The following BPNT2 variants were observed in gnomAD, a reference collection of about 807,000 sequenced individuals.
BPNT2 encodes Golgi-resident adenosine 3',5'-bisphosphate 3'-phosphatase.
In BPNT2, 11 loss-of-function variants were observed where a neutral mutation model predicts 29.3. The observed-to-expected ratio is 0.38, with a 90% CI of 0.24 to 0.62. BPNT2 has a LOEUF of 0.62. Ranked by LOEUF, BPNT2 falls within the 20% of genes least tolerant of loss-of-function variation. The probability of loss-of-function intolerance (pLI) is 0.62; values close to 1 mark genes in which losing one functional copy is unlikely to be tolerated. For synonymous variants in BPNT2, 195 were observed against 187.7 expected, an observed-to-expected ratio of 1.04 and a Z score of -0.32; for missense variants, 459 against 473.4, an observed-to-expected ratio of 0.97 and a Z score of 0.28.
rs916936656 is a variant in BPNT2, at chr8:56,959,732, T to C, written c.*4061A>G. ...AGTTCTTATAAAAAACATACTTTAGTTGTAAATGCTAGGTTATGCAAAAAT... is the reference window on the plus strand; with the variant it reads ...AGTTCTTATAAAAAACATACTTTAGCTGTAAATGCTAGGTTATGCAAAAAT... On this transcript the variant is annotated 3_prime_UTR_variant, in exon 5 of 5. Coordinates refer to ENST00000262644, the MANE Select transcript of BPNT2 (RefSeq NM_017813.5). 4 of 152,312 alleles carry C rather than the reference T, an allele frequency of 2.6e-5. No individual in the cohort carries two copies. The highest frequency in any genetic ancestry group is 2.6e-4 in the Admixed American group (4 of 15,310). 9.4% of individuals were successfully genotyped at this position (152,312 alleles called of 1,614,324 possible).
At chr8:56,991,582 T>C (rs956816007) in intron 1 of BPNT2, among the ~76,000 whole-genome samples, 4 of 152,234 alleles carry the variant, frequency 2.6e-5, no homozygotes, top group Non-Finnish European at 5.9e-5. Flanking sequence ...CTAGCTAAAA[T>C]GTGGGATAGT....
chr8:56,980,439 G>A (rs917421717), intron 1 of BPNT2, among the ~76,000 whole-genome samples: 7 of 151,782 alleles, frequency 4.6e-5, no homozygotes, highest in Non-Finnish European at 1.0e-4. Context: ...AATCAAGACA[G>A]ATAATTCGGA....
intron 1 of BPNT2, among the ~76,000 whole-genome samples, chr8:56,982,048 ACAC>A (rs908581576): frequency 6.6e-6 from 1 of 152,220 alleles, no homozygotes; most frequent in Admixed American, 6.5e-5. Flanking sequence ...GTACCCTGAA[ACAC>A]CCCAAATTAT....
chr8:56,979,390 C>T (rs1354189188), intron 2 of BPNT2, among the ~76,000 whole-genome samples: 1 of 152,122 alleles, frequency 6.6e-6, no homozygotes, highest in Non-Finnish European at 1.5e-5. Flanking sequence ...TCTCGATATT[C>T]CATATTTCTA....
At chr8:56,990,248 A>G (rs1262253584) in intron 1 of BPNT2, among the ~76,000 whole-genome samples, 1 of 152,242 alleles carries the variant, frequency 6.6e-6, no homozygotes, top group African/African-American at 2.4e-5. Flanking sequence ...CAAGTTGAGG[A>G]CAGGAGCCCC....
At position 56,963,264 on chromosome 8, in the gene BPNT2, T is replaced by C. The variant is rs1225258712; in HGVS notation, c.*529A>G. The stretch of plus-strand genomic sequence containing the variant: ...ATTAAACTTTTTCTATTTTAATCCA[T>C]AGAAATATTCAGTAACATAAATACA... On this transcript the variant is annotated 3_prime_UTR_variant, in exon 5 of 5. Transcript: ENST00000262644. 2 of 152,850 alleles carry C rather than the reference T, an allele frequency of 1.3e-5. No individual in the cohort carries two copies. The highest frequency in any genetic ancestry group is 2.9e-5 in the Non-Finnish European group (2 of 68,188). The allele number at this position is 152,850 out of a possible 1,614,324, so 9.5% of individuals were successfully genotyped here.
At chr8:56,991,589 T>C (rs891168370) in intron 1 of BPNT2, among the ~76,000 whole-genome samples, 2 of 152,236 alleles carry the variant, frequency 1.3e-5, no homozygotes, top group South Asian at 4.1e-4. Flanking sequence ...AAATGTGGGA[T>C]AGTTCATATA....
chr8:56,987,126 T>C (rs1222030097), intron 1 of BPNT2, among the ~76,000 whole-genome samples: 1 of 152,150 alleles, frequency 6.6e-6, no homozygotes, highest in African/African-American at 2.4e-5. Context: ...AGTATGCTAG[T>C]TCAGTTACTT....
chr8:56,963,688 G>A lies in BPNT2; in HGVS notation c.*105C>T, dbSNP rs191106771. 4.0e-5 allele frequency: 52 copies of A among 1,298,270 alleles called. No individual in the cohort carries two copies. In the East Asian group the frequency reaches 8.3e-4, roughly 21 times the overall value. The allele number at this position is 1,298,270 out of a possible 1,614,324, so 80.4% of individuals were successfully genotyped here. ...GCTTCATAAATACTTTAAAAAGTTC[G>A]GGATGGCCTTAACCATGCATAGTCT... On this transcript the variant is annotated 3_prime_UTR_variant, in exon 5 of 5. Coordinates refer to ENST00000262644, the MANE Select transcript of BPNT2 (RefSeq NM_017813.5).
chr8:56,982,763 A>G (rs1585565692), intron 1 of BPNT2, among the ~76,000 whole-genome samples: 1 of 152,198 alleles, frequency 6.6e-6, no homozygotes, highest in Non-Finnish European at 1.5e-5. Context: ...AAAGGGGTAG[A>G]TAGTATTAAG....
At chr8:56,971,386 A>G (rs1202404323) in intron 3 of BPNT2, among the ~76,000 whole-genome samples, 1 of 152,120 alleles carries the variant, frequency 6.6e-6, no homozygotes, top group Non-Finnish European at 1.5e-5. Context: ...CACCGAGTGA[A>G]TATACACTTG....
At position 56,993,554 on chromosome 8, in the gene BPNT2, A is replaced by C; in HGVS notation, c.32T>G (p.Leu11Arg). ...CAGCAGGCAAAACACTGCCACCCCC[A>C]GTGGGGAAAGGCGGATGCCCATGGG... Reference protein sequence around the residue: MAPMGIRLSPLGVAVFCLLGL... With the variant: MAPMGIRLSPRGVAVFCLLGL... Residue 11 changes from leucine to arginine, a missense_variant, in exon 1 of 5, where the codon CTG becomes CGG. By Grantham distance (102) the Leu-to-Arg change is moderately radical. Coordinates refer to ENST00000262644, the MANE Select transcript of BPNT2 (RefSeq NM_017813.5). 1 of 1,480,664 alleles carries C rather than the reference A, an allele frequency of 6.8e-7. No individual in the cohort carries two copies. 91.7% of individuals were successfully genotyped at this position (1,480,664 alleles called of 1,614,324 possible).
In BPNT2 at chr8:56,993,811, T is replaced by C. The variant is rs1243028771; in HGVS notation, c.-226A>G. 9.0e-6 allele frequency: 4 copies of C among 443,374 alleles called. No homozygotes were observed. Among genetic ancestry groups the C allele is most frequent in the Non-Finnish European group, 1.2e-5 (4 of 332,700 alleles). The allele number at this position is 443,374 out of a possible 1,614,324, so 27.5% of individuals were successfully genotyped here. On this transcript the variant is annotated 5_prime_UTR_variant, in exon 1 of 5. Transcript: ENST00000262644. ...GCCTGACTCGCCAGGCAGCGCGCTCTAGGTTCTTCCGCCGGCCGGCTGGTC... is the reference window on the plus strand; with the variant it reads ...GCCTGACTCGCCAGGCAGCGCGCTCCAGGTTCTTCCGCCGGCCGGCTGGTC...
intron 1 of BPNT2, among the ~76,000 whole-genome samples, chr8:56,983,589 T>G (rs1472807431): frequency 1.3e-5 from 2 of 152,128 alleles, no homozygotes; most frequent in South Asian, 2.1e-4. Flanking sequence ...TCCTAGTCAT[T>G]GCAGTAAGCT....
intron 3 of BPNT2, among the ~76,000 whole-genome samples, chr8:56,968,427 A>G (rs1176667501): frequency 6.6e-6 from 1 of 152,034 alleles, no homozygotes; most frequent in African/African-American, 2.4e-5. Context: ...ACATACATAT[A>G]TAAGGAGTCC....
In BPNT2 at chr8:56,960,578, T is replaced by C. The variant is rs1805815819; in HGVS notation, c.*3215A>G. Reference sequence around the variant, plus strand: ...TGATTTAAAATAAAGAAAGAAACACTAAAATTGGGGTAGCACATACCAAGA... The same window carrying C: ...TGATTTAAAATAAAGAAAGAAACACCAAAATTGGGGTAGCACATACCAAGA... On this transcript the variant is annotated 3_prime_UTR_variant, in exon 5 of 5. Coordinates refer to ENST00000262644, the MANE Select transcript of BPNT2 (RefSeq NM_017813.5). 6.6e-6 allele frequency: 1 copy of C among 152,152 alleles called. No homozygotes were observed. The allele number at this position is 152,152 out of a possible 1,614,324, so 9.4% of individuals were successfully genotyped here. A position where few individuals can be genotyped will look rare whatever the true frequency, so the allele number is the denominator to read the frequency against.
chr8:56,959,977 A>T lies in BPNT2; in HGVS notation c.*3816T>A, dbSNP rs190522299. ...GTTTATTTTATACAACAGTTACAAG[A>T]CAGACCTTTTGTAGGCATATAAATA... is the stretch of plus-strand genomic sequence containing the variant. On this transcript the variant is annotated 3_prime_UTR_variant, in exon 5 of 5. Coordinates refer to ENST00000262644, the MANE Select transcript of BPNT2 (RefSeq NM_017813.5). The T allele has an allele frequency of 9.2e-5, 14 of 151,838 alleles. No homozygotes were observed. Among genetic ancestry groups the T allele is most frequent in the African/African-American group, 3.4e-4 (14 of 41,552 alleles). The allele number at this position is 151,838 out of a possible 1,614,324, so 9.4% of individuals were successfully genotyped here.
Position 56,993,652 on chromosome 8 carries a change from C to T in BPNT2, c.-67G>A, listed in dbSNP as rs1441701923. ...CCTCCAGCGCCCGCCGCCGCCGCCGCCGCAGCCGCCGCGCTCCGGGCCAGG... is the reference window on the plus strand; with the variant it reads ...CCTCCAGCGCCCGCCGCCGCCGCCGTCGCAGCCGCCGCGCTCCGGGCCAGG... On this transcript the variant is annotated 5_prime_UTR_variant, in exon 1 of 5. Coordinates refer to ENST00000262644, the MANE Select transcript of BPNT2 (RefSeq NM_017813.5). The T allele has an allele frequency of 8.4e-7, 1 of 1,187,260 alleles. No homozygotes were observed. Among genetic ancestry groups the T allele is most frequent in the Admixed American group, 4.7e-5 (1 of 21,446 alleles). 73.5% of individuals were successfully genotyped at this position (1,187,260 alleles called of 1,614,324 possible).
rs1805789336 is a variant in BPNT2, at chr8:56,959,343, T to C, written c.*4450A>G. 6.6e-6 allele frequency: 1 copy of C among 152,168 alleles called. No individual in the cohort carries two copies. The highest frequency in any genetic ancestry group is 2.4e-5 in the African/African-American group (1 of 41,436). 9.4% of individuals were successfully genotyped at this position (152,168 alleles called of 1,614,324 possible). On this transcript the variant is annotated 3_prime_UTR_variant, in exon 5 of 5. Coordinates refer to ENST00000262644, the MANE Select transcript of BPNT2 (RefSeq NM_017813.5). Reference sequence around the variant, plus strand: ...AATGCATATACTTGCCAGGCTTTGATGAAATAAAAATAAACGATTTACATA... The same window carrying C: ...AATGCATATACTTGCCAGGCTTTGACGAAATAAAAATAAACGATTTACATA...
Sources: gnomAD v4.1 joint callset for allele counts (sites outside exome capture counted in the v4.1 genomes callset) on GRCh38, gnomAD v4.1.1 for gene constraint, MANE v1.5 for transcripts, NCBI Gene and HGNC (gene_info 2026-07-23, HGNC 2026-07-21) for gene names.